The following MET variants were observed in gnomAD, a reference collection of about 807,000 sequenced individuals.
The protein encoded by MET is hepatocyte growth factor receptor.
In MET, 48 loss-of-function variants were observed where a neutral mutation model predicts 133.1. That is an observed-to-expected ratio of 0.36 (90% CI 0.29 to 0.46). The LOEUF (loss-of-function observed/expected upper bound fraction) is 0.46. Ranked by LOEUF, MET falls within the 20% of genes least tolerant of loss-of-function variation. The pLI is 1.00. For missense variants in MET, 1,442 were observed against 1,695.9 expected (o/e 0.85, Z 2.63); for synonymous variants, 628 against 616.5 (o/e 1.02, Z -0.28).
chr7:116,697,039 A>T (rs1796988724), intron 1 of MET, among the ~76,000 whole-genome samples: 2 of 152,160 alleles, frequency 1.3e-5, no homozygotes, highest in Non-Finnish European at 2.9e-5. Flanking sequence ...CCTGCTAGTC[A>T]TCCTTATAGG....
chr7:116,673,356 C>T (rs1253933109), intron 1 of MET, among the ~76,000 whole-genome samples: 1 of 152,206 alleles, frequency 6.6e-6, no homozygotes, highest in East Asian at 1.9e-4. Flanking sequence ...TGTATTTTAC[C>T]TTATCACAGT....
chr7:116,697,299 G>T (rs967066235), intron 1 of MET, among the ~76,000 whole-genome samples: 7 of 151,974 alleles, frequency 4.6e-5, no homozygotes, highest in African/African-American at 7.3e-5. Flanking sequence ...TATCCTTGGT[G>T]CTACCATATT....
At chr7:116,692,392 T>C (rs112868493) in intron 1 of MET, among the ~76,000 whole-genome samples, 1 of 152,344 alleles carries the variant, frequency 6.6e-6, no homozygotes, top group Non-Finnish European at 1.5e-5. Flanking sequence ...AAACTTATTC[T>C]ATTGCCTCTG....
At chr7:116,723,453 T>G (rs1216307191) in intron 2 of MET, among the ~76,000 whole-genome samples, 2 of 152,196 alleles carry the variant, frequency 1.3e-5, no homozygotes, top group Non-Finnish European at 2.9e-5. Flanking sequence ...CAGAGTAATT[T>G]GATCATCTGA....
intron 1 of MET, among the ~76,000 whole-genome samples, chr7:116,688,125 T>C (rs570361275): frequency 6.6e-6 from 1 of 152,336 alleles, no homozygotes; most frequent in Non-Finnish European, 1.5e-5. Context: ...TGTACCAGCT[T>C]CCTCTCCAAC....
chr7:116,782,204 C>T, intron 18 of MET, 107 bp downstream of exon 18: 1 of 804,068 alleles, frequency 1.2e-6, no homozygotes, highest in South Asian at 1.4e-5. Context: ...ATGCAAAAGT[C>T]CTTTATTTCT....
intron 19 of MET, among the ~76,000 whole-genome samples, chr7:116,791,053 G>A (rs572379502): frequency 6.6e-6 from 1 of 152,284 alleles, no homozygotes; most frequent in South Asian, 2.1e-4. Context: ...ACTCCAGCCT[G>A]GATGACAGAG....
At chr7:116,714,665 G>A (rs1299231404) in intron 2 of MET, among the ~76,000 whole-genome samples, 2 of 151,862 alleles carry the variant, frequency 1.3e-5, no homozygotes. Flanking sequence ...ACGATAGCCT[G>A]TTTTTATATT....
intron 8 of MET, 49 bp downstream of exon 8, chr7:116,757,823 T>G: frequency 6.3e-7 from 1 of 1,581,224 alleles, no homozygotes; most frequent in Non-Finnish European, 8.7e-7. Flanking sequence ...AATTAATATC[T>G]GTACCTTAAA....
chr7:116,672,375 G>C lies in MET; in HGVS notation c.-217G>C. On this transcript the variant is annotated 5_prime_UTR_variant, in exon 1 of 21. Transcript: ENST00000397752. ...GCGGCCGGCGGGCGGGCGGGGCGCTGGGCTCAGCCCGGCCGCAGGTGACCC... is the reference window on the plus strand; with the variant it reads ...GCGGCCGGCGGGCGGGCGGGGCGCTCGGCTCAGCCCGGCCGCAGGTGACCC... The C allele has an allele frequency of 2.7e-6, 1 of 365,290 alleles. No individual in the cohort carries two copies. Among genetic ancestry groups the C allele is most frequent in the Non-Finnish European group, 4.9e-6 (1 of 204,712 alleles). 22.6% of individuals were successfully genotyped at this position (365,290 alleles called of 1,614,324 possible).
At chr7:116,695,714 T>C (rs1478751211) in intron 1 of MET, 1 of 464,668 alleles carries the variant, frequency 2.2e-6, no homozygotes, top group Non-Finnish European at 4.4e-6. Flanking sequence ...TTTGCTTATC[T>C]AGAAGAGAAG....
At chr7:116,721,457 T>A (rs1792482516) in intron 2 of MET, among the ~76,000 whole-genome samples, 1 of 152,214 alleles carries the variant, frequency 6.6e-6, no homozygotes, top group Non-Finnish European at 1.5e-5. Context: ...TCATTAATTT[T>A]TTGAAGGGTT....
At chr7:116,767,974 A>ATATG (rs1554397514) in intron 11 of MET, among the ~76,000 whole-genome samples, 1,673 of 140,174 alleles carry the variant, frequency 0.012, 13 homozygotes, top group African/African-American at 0.018. Flanking sequence ...ATATATATAT[A>ATATG]TGTGTGTGTG....
intron 2 of MET, among the ~76,000 whole-genome samples, chr7:116,700,944 T>C (rs1040553171): frequency 6.6e-6 from 1 of 152,248 alleles, no homozygotes; most frequent in East Asian, 1.9e-4. Flanking sequence ...ACTTTAATCA[T>C]GGACTTCCTT....
chr7:116,788,678 G>T (rs188970221), intron 19 of MET, among the ~76,000 whole-genome samples: 12 of 152,336 alleles, frequency 7.9e-5, no homozygotes, highest in Admixed American at 2.0e-4. Flanking sequence ...TTGGGAAATG[G>T]TTACTGATTG....
intron 11 of MET, among the ~76,000 whole-genome samples, chr7:116,764,129 C>G (rs1365257046): frequency 6.6e-6 from 1 of 152,136 alleles, no homozygotes; most frequent in Non-Finnish European, 1.5e-5. Context: ...TGGGTCATCT[C>G]CATCTAAGTA....
rs185196751 is a variant in MET at position 116,727,173 on chromosome 7, A to G, written c.1201-4495A>G. ...AAAGATTAATTTCAGCCTTAAAGTC[A>G]GGGACTTAAATGAGATGATCTCGAA... On this transcript the variant is annotated intron_variant, in intron 2 of 20. Transcript: ENST00000397752. 2.9e-4 allele frequency among the ~76,000 whole-genome samples: 44 copies of G among 152,346 alleles called. 1 individual carries two copies. The East Asian group carries it at 6.6e-3, about 23-fold the overall frequency.
At chr7:116,715,075 A>G (rs547181389) in intron 2 of MET, among the ~76,000 whole-genome samples, 1 of 152,344 alleles carries the variant, frequency 6.6e-6, no homozygotes, top group South Asian at 2.1e-4. Flanking sequence ...AGTGATAATA[A>G]TAACTGTTTA....
chr7:116,752,808 G>GA (rs1340416297), intron 5 of MET, among the ~76,000 whole-genome samples: 1 of 152,050 alleles, frequency 6.6e-6, no homozygotes, highest in African/African-American at 2.4e-5. Flanking sequence ...TTTTTACATA[G>GA]AAAGACGGGA....
Sources: allele counts gnomAD v4.1 joint callset (sites outside exome capture counted in the v4.1 genomes callset), GRCh38; gene constraint gnomAD v4.1.1; transcripts MANE v1.5; gene names NCBI Gene and HGNC (gene_info 2026-07-23, HGNC 2026-07-21).